Variants in NAA15 observed in about 807,000 individuals in gnomAD.
NAA15 encodes the protein N-alpha-acetyltransferase 15, NatA auxiliary subunit.
A neutral mutation model predicts 114.0 loss-of-function variants in NAA15; 34 were observed. That is an observed-to-expected ratio of 0.30 (90% confidence interval 0.23 to 0.40). The LOEUF (loss-of-function observed/expected upper bound fraction) is 0.40, where lower values mean the gene tolerates loss of function less well. NAA15 is among the 10% of genes least tolerant of loss of function. The pLI is 1.00. For missense variants in NAA15, 658 were observed against 1,004.5 expected, an observed-to-expected ratio of 0.66 and a Z score of 4.66; for synonymous variants, 340 against 338.0, an observed-to-expected ratio of 1.01 and a Z score of -0.06.
At chr4:139,341,993 G>C (rs1032397012) in intron 4 of NAA15, among the ~76,000 whole-genome samples, 2 of 152,104 alleles carry the variant, frequency 1.3e-5, no homozygotes, top group African/African-American at 4.8e-5. Flanking sequence ...AAAGTGCTAG[G>C]ATTACGGGCA....
rs899829350 is a variant in NAA15 at position 139,376,327 on chromosome 4, C to G, written c.1948-38C>G. On this transcript the variant is annotated intron_variant, in intron 15 of 19. Coordinates refer to ENST00000296543, the MANE Select transcript of NAA15 (RefSeq NM_057175.5). ...GAATAAAATCACATTCCCCAAGAAC[C>G]TTAGTTTCATTTGTATAATATCTTT... The G allele has an allele frequency of 1.0e-5, 13 of 1,250,752 alleles. No individual in the cohort carries two copies. In the African/African-American group the frequency reaches 1.8e-4, roughly 17 times the overall value. The allele number at this position is 1,250,752 out of a possible 1,614,324, so 77.5% of individuals were successfully genotyped here.
chr4:139,321,429 A>G (rs1398863234), intron 1 of NAA15, among the ~76,000 whole-genome samples: 1 of 149,594 alleles, frequency 6.7e-6, no homozygotes, highest in Middle Eastern at 3.2e-3. Context: ...CTCCAGAAGC[A>G]CTGGGATTAC....
intron 1 of NAA15, among the ~76,000 whole-genome samples, chr4:139,325,756 C>T (rs1302293779): frequency 6.6e-6 from 1 of 152,170 alleles, no homozygotes; most frequent in Non-Finnish European, 1.5e-5. Flanking sequence ...TCAAGCCGTC[C>T]TCCCATCTCA....
At chr4:139,311,491 T>G (rs1370254281) in intron 1 of NAA15, among the ~76,000 whole-genome samples, 2 of 151,988 alleles carry the variant, frequency 1.3e-5, no homozygotes, top group Admixed American at 1.3e-4. Context: ...GGGCAGAGCC[T>G]ATATTATGGT....
At chr4:139,348,040 A>AG (rs1189394894) in intron 6 of NAA15, among the ~76,000 whole-genome samples, 1 of 144,758 alleles carries the variant, frequency 6.9e-6, no homozygotes, top group Admixed American at 6.8e-5. Context: ...CTCCGTCTCA[A>AG]AAAAAAAAAA....
intron 1 of NAA15, chr4:139,302,693 C>G (rs1292895904): frequency 6.6e-6 from 1 of 152,194 alleles, no homozygotes; most frequent in Non-Finnish European, 1.5e-5. Flanking sequence ...AATATAAGAA[C>G]TTTTGAGATG....
chr4:139,324,835 A>G (rs1343375880), intron 1 of NAA15, among the ~76,000 whole-genome samples: 1 of 152,190 alleles, frequency 6.6e-6, no homozygotes. Flanking sequence ...TTTCGTGAAA[A>G]AAATTGAGAT....
chr4:139,318,262 A>G (rs1746479175), intron 1 of NAA15: 1 of 152,136 alleles, frequency 6.6e-6, no homozygotes, highest in Non-Finnish European at 1.5e-5. Context: ...TGTGTGTGTG[A>G]AATACTAACG....
At chr4:139,331,705 T>G (rs1005134002) in intron 1 of NAA15, among the ~76,000 whole-genome samples, 5 of 151,136 alleles carry the variant, frequency 3.3e-5, no homozygotes, top group African/African-American at 9.7e-5. Flanking sequence ...CCTTAAGTGA[T>G]CCGCTCACCT....
In NAA15 at chr4:139,310,244, G is replaced by A. The variant is rs1408068000; in HGVS notation, c.54+8413G>A. Among the ~76,000 whole-genome samples the A allele has an allele frequency of 5.5e-3, 828 of 150,462 alleles. 6 individuals carry two copies. Among genetic ancestry groups the A allele is most frequent in the East Asian group, 0.013 (67 of 5,024 alleles). ...CCGAGGCGGGCGGATCACGAGGTCA[G>A]GAGATCGAGACCATCCTGGCTAAAA... On this transcript the variant is annotated intron_variant, in intron 1 of 19. Transcript: ENST00000296543.
intron 14 of NAA15, among the ~76,000 whole-genome samples, chr4:139,362,177 A>G (rs1748152375): frequency 6.6e-6 from 1 of 152,238 alleles, no homozygotes; most frequent in Non-Finnish European, 1.5e-5. Flanking sequence ...TTTACATTTA[A>G]TATCTGGTTT....
chr4:139,317,046 T>C lies in NAA15; in HGVS notation c.54+15215T>C, dbSNP rs17050738. Among the ~76,000 whole-genome samples the C allele has an allele frequency of 4.8e-3, 735 of 152,008 alleles. 20 individuals carry two copies. The highest frequency in any genetic ancestry group is 0.017 in the African/African-American group (703 of 41,408). ...AGTAGCCATTGCTCTCACTGTCATGTATCAGATGTGCCAGTACTTTCTCTC... is the reference window on the plus strand; with the variant it reads ...AGTAGCCATTGCTCTCACTGTCATGCATCAGATGTGCCAGTACTTTCTCTC... On this transcript the variant is annotated intron_variant, in intron 1 of 19. Transcript: ENST00000296543.
chr4:139,306,291 G>A (rs941907372), intron 1 of NAA15, among the ~76,000 whole-genome samples: 2 of 152,184 alleles, frequency 1.3e-5, no homozygotes. Flanking sequence ...CCAGGCTGGA[G>A]TGCAGTGGTG....
intron 3 of NAA15, 49 bp downstream of exon 3, chr4:139,337,001 A>G: frequency 8.0e-7 from 1 of 1,247,662 alleles, no homozygotes; most frequent in Non-Finnish European, 1.1e-6. Context: ...GTTTTGAGCT[A>G]AGGCAGCAAT....
chr4:139,334,189 A>G lies in NAA15; in HGVS notation c.70A>G (p.Lys24Glu). 1 of 1,596,198 alleles carries G rather than the reference A, an allele frequency of 6.3e-7. No individual in the cohort carries two copies. Among genetic ancestry groups the G allele is most frequent in the Non-Finnish European group, 8.5e-7 (1 of 1,173,408 alleles). The change falls in exon 2 of 20, where the codon AAA becomes GAA. Residue 24 changes from lysine (K) to glutamate (E), a missense_variant. This residue lies in a region of NAA15 where 2 missense variants were observed against 18.2 expected (regional missense o/e 0.11). Coordinates refer to ENST00000296543, the MANE Select transcript of NAA15 (RefSeq NM_057175.5). ...FKRILRCYEH[K>E]QYRNGLKFCK... ...GTTTTGACAGAGGTGTTATGAACAT[A>G]AACAGTATAGAAATGGATTGAAATT...
chr4:139,312,860 A>G (rs557488436), intron 1 of NAA15, among the ~76,000 whole-genome samples: 24 of 151,878 alleles, frequency 1.6e-4, no homozygotes, highest in African/African-American at 3.1e-4. Flanking sequence ...GGAAAAAAAA[A>G]GTAAAATAAA....
intron 1 of NAA15, among the ~76,000 whole-genome samples, chr4:139,315,011 G>GTTAGGTTAGT (rs1746348546): frequency 1.2e-5 from 1 of 86,952 alleles, no homozygotes; most frequent in Non-Finnish European, 2.5e-5. Flanking sequence ...TTTAGTTTAG[G>GTTAGGTTAGT]TTAGGTTAGG....
chr4:139,324,704 G>C (rs927085828), intron 1 of NAA15, among the ~76,000 whole-genome samples: 1 of 152,224 alleles, frequency 6.6e-6, no homozygotes, highest in Non-Finnish European at 1.5e-5. Flanking sequence ...GGCCGAGGCA[G>C]GGGGATCACC....
intron 12 of NAA15, 134 bp downstream of exon 12, chr4:139,360,029 C>T (rs1748083347): frequency 1.0e-5 from 8 of 802,690 alleles, no homozygotes; most frequent in Non-Finnish European, 1.5e-5. Context: ...AATTAAATCA[C>T]TGTATCAGAA....
Sources: allele counts gnomAD v4.1 joint callset (sites outside exome capture counted in the v4.1 genomes callset), GRCh38; gene constraint gnomAD v4.1.1; regional missense constraint gnomAD v4.1.1; transcripts MANE v1.5; gene names NCBI Gene and HGNC (gene_info 2026-07-23, HGNC 2026-07-21).